The following SCG3 variants were observed in gnomAD, a reference collection of about 807,000 sequenced individuals.
The protein encoded by SCG3 is secretogranin III.
SCG3 carries 38 observed loss-of-function variants against 56.2 expected under a neutral mutation model. The observed-to-expected ratio is 0.68, with a 90% confidence interval of 0.52 to 0.89. SCG3 has a LOEUF of 0.89. Among genes scored for constraint, SCG3 ranks in the 40% least tolerant of loss-of-function variants. The pLI is 0.00. For missense variants in SCG3, 524 were observed against 540.7 expected (o/e 0.97, Z 0.31); for synonymous variants, 176 against 184.2 (o/e 0.96, Z 0.36).
intron 11 of SCG3, among the ~76,000 whole-genome samples, chr15:51,718,191 T>C (rs946481053): frequency 1.0e-3 from 130 of 123,858 alleles, no homozygotes; most frequent in African/African-American, 3.8e-3. Flanking sequence ...GATGGATAGA[T>C]AGATAGATAG....
At chr15:51,713,800 C>A (rs912893985) in intron 11 of SCG3, among the ~76,000 whole-genome samples, 1 of 152,096 alleles carries the variant, frequency 6.6e-6, no homozygotes, top group African/African-American at 2.4e-5. Flanking sequence ...ATTTTGTGCA[C>A]CCTGCAGTCA....
chr15:51,704,687 G>A (rs1017576547), intron 10 of SCG3, among the ~76,000 whole-genome samples: 2 of 147,228 alleles, frequency 1.4e-5, no homozygotes, highest in Admixed American at 6.9e-5. Context: ...TCCATTGTAT[G>A]TATAAGCCAC....
At position 51,719,655 on chromosome 15, in the gene SCG3, A is replaced by G; in HGVS notation, c.*129A>G. ...AGAAAGTGCTGAATTTACAGTAGTT[A>G]ACCTTTTACAAGTGGTTAAAACATA... On this transcript the variant is annotated 3_prime_UTR_variant, in exon 12 of 12. Transcript: ENST00000220478. 1 of 619,732 alleles carries G rather than the reference A, an allele frequency of 1.6e-6. No individual in the cohort carries two copies. Among genetic ancestry groups the G allele is most frequent in the South Asian group, 2.1e-5 (1 of 47,112 alleles). 38.4% of individuals were successfully genotyped at this position (619,732 alleles called of 1,614,324 possible).
chr15:51,686,843 A>G (rs1850948378), intron 4 of SCG3, among the ~76,000 whole-genome samples: 1 of 152,158 alleles, frequency 6.6e-6, no homozygotes, highest in African/African-American at 2.4e-5. Context: ...TCCTCCATGT[A>G]TAATTACCCC....
chr15:51,719,691 C>G lies in SCG3; in HGVS notation c.*165C>G, dbSNP rs1026752781. On this transcript the variant is annotated 3_prime_UTR_variant, in exon 12 of 12. Transcript: ENST00000220478. Reference sequence around the variant, plus strand: ...AGTGGTTAAAACATAGCTTTCTTCCCGTAAAAACTATCTGAAAGTAAAGTT... The same window carrying G: ...AGTGGTTAAAACATAGCTTTCTTCCGGTAAAAACTATCTGAAAGTAAAGTT... 10 of 555,242 alleles carry G rather than the reference C, an allele frequency of 1.8e-5. No homozygotes were observed. Among genetic ancestry groups the G allele is most frequent in the Non-Finnish European group, 2.5e-5 (8 of 314,534 alleles). The allele number at this position is 555,242 out of a possible 1,614,324, so 34.4% of individuals were successfully genotyped here. A position where few individuals can be genotyped will look rare whatever the true frequency, so the allele number is the denominator to read the frequency against.
At position 51,719,575 on chromosome 15, in the gene SCG3, A is replaced by G. The variant is rs201677129; in HGVS notation, c.*49A>G. 1.5e-6 allele frequency: 2 copies of G among 1,313,144 alleles called. No individual in the cohort carries two copies. The highest frequency in any genetic ancestry group is 2.3e-5 in the East Asian group (1 of 43,030). 81.3% of individuals were successfully genotyped at this position (1,313,144 alleles called of 1,614,324 possible). ...TTTCAACTGTTTCAGAAAACATAAT[A>G]TAGCTTAAAACACTTCTAATTCTGT... On this transcript the variant is annotated 3_prime_UTR_variant, in exon 12 of 12. Coordinates refer to ENST00000220478, the MANE Select transcript of SCG3 (RefSeq NM_013243.4).
intron 6 of SCG3, among the ~76,000 whole-genome samples, chr15:51,689,805 T>C (rs2055255206): frequency 6.6e-6 from 1 of 151,816 alleles, no homozygotes; most frequent in African/African-American, 2.4e-5. Flanking sequence ...AATTAATTAA[T>C]TAATTTAAAA....
chr15:51,709,816 G>A (rs1444278932), intron 10 of SCG3, among the ~76,000 whole-genome samples: 1 of 136,452 alleles, frequency 7.3e-6, no homozygotes, highest in Non-Finnish European at 1.5e-5. Context: ...CGCCTCCCGG[G>A]TTCATGCTAT....
In SCG3 at chr15:51,709,695, A is replaced by T. The variant is rs1280636673; in HGVS notation, c.1208-3638A>T. On this transcript the variant is annotated intron_variant, in intron 10 of 11. Coordinates refer to ENST00000220478, the MANE Select transcript of SCG3 (RefSeq NM_013243.4). ...TATATATATATATATATATATATAT[A>T]TATATATTTTTTTTTTTTTTTTTTT... is the stretch of plus-strand genomic sequence containing the variant. Among the ~76,000 whole-genome samples, 138 of 14,982 alleles carry T rather than the reference A, an allele frequency of 9.2e-3. 2 individuals are homozygous for T. Among genetic ancestry groups the T allele is most frequent in the Non-Finnish European group, 0.015 (117 of 7,940 alleles). 9.8% of individuals were successfully genotyped at this position (14,982 alleles called of 152,430 possible).
At chr15:51,704,240 C>CATAT (rs1314214604) in intron 10 of SCG3, among the ~76,000 whole-genome samples, 1,419 of 58,532 alleles carry the variant, frequency 0.024, 13 homozygotes, top group Non-Finnish European at 0.035. Flanking sequence ...TACATACATA[C>CATAT]ATACATATAT....
chr15:51,715,079 T>TA lies in SCG3; in HGVS notation c.1288+1667dup, dbSNP rs1351311538. On this transcript the variant is annotated intron_variant, in intron 11 of 11. Transcript: ENST00000220478. ...TGGTACATCAATTTGGAGTATTTGT[T>TA]ACTGTTTTCACTGATTAGCATATGA... is the stretch of plus-strand genomic sequence containing the variant. 10 of 152,334 alleles carry TA rather than the reference T, an allele frequency of 6.6e-5. No homozygotes were observed. In the East Asian group the frequency reaches 1.9e-3, roughly 29 times the overall value. The allele number at this position is 152,334 out of a possible 1,614,324, so 9.4% of individuals were successfully genotyped here. A position where few individuals can be genotyped will look rare whatever the true frequency, so the allele number is the denominator to read the frequency against.
At chr15:51,697,661 G>T (rs942636703) in intron 8 of SCG3, among the ~76,000 whole-genome samples, 8 of 152,136 alleles carry the variant, frequency 5.3e-5, no homozygotes, top group Non-Finnish European at 1.2e-4. Context: ...GGAGACTAAA[G>T]TAAATTATTT....
chr15:51,698,096 A>C (rs960795249), intron 8 of SCG3, among the ~76,000 whole-genome samples: 1 of 152,232 alleles, frequency 6.6e-6, no homozygotes, highest in African/African-American at 2.4e-5. Context: ...TCCAAAAAGA[A>C]AGCAATGCAT....
chr15:51,715,794 CA>C (rs1449277183), intron 11 of SCG3, among the ~76,000 whole-genome samples: 1 of 151,882 alleles, frequency 6.6e-6, no homozygotes, highest in African/African-American at 2.4e-5. Flanking sequence ...CAAAAGAAAG[CA>C]AAATATTTGC....
At chr15:51,707,292 G>A (rs1233926764) in intron 10 of SCG3, among the ~76,000 whole-genome samples, 1 of 151,576 alleles carries the variant, frequency 6.6e-6, no homozygotes, top group Non-Finnish European at 1.5e-5. Context: ...ACAGGAGCCA[G>A]AAAAGTTAGC....
In SCG3 at chr15:51,699,393, C is replaced by A. The variant is rs2055325410; in HGVS notation, c.1060C>A (p.Leu354Ile). The A allele has an allele frequency of 1.3e-6, 2 of 1,599,624 alleles. No homozygotes were observed. Among genetic ancestry groups the A allele is most frequent in the Non-Finnish European group, 8.5e-7 (1 of 1,171,588 alleles). The change falls in exon 9 of 12, where the codon CTT (leucine) becomes ATT (isoleucine). Residue 354 changes from leucine to isoleucine, a missense_variant. Coordinates refer to ENST00000220478, the MANE Select transcript of SCG3 (RefSeq NM_013243.4). ...AAATGCTACTGACAATATAAGCAAG[C>A]TTTTCCCAGGTATGATTATTTAACT... Reference protein sequence around the residue: ...EKNATDNISKLFPAPSEKSHE... With the variant: ...EKNATDNISKIFPAPSEKSHE...
At chr15:51,710,664 G>T (rs990690865) in intron 10 of SCG3, among the ~76,000 whole-genome samples, 6 of 151,760 alleles carry the variant, frequency 4.0e-5, no homozygotes, top group Non-Finnish European at 7.4e-5. Context: ...TTGGCTCACT[G>T]CAACCTCCAC....
chr15:51,699,851 T>G (rs938607083), intron 9 of SCG3, among the ~76,000 whole-genome samples: 6 of 152,084 alleles, frequency 3.9e-5, no homozygotes, highest in African/African-American at 1.4e-4. Context: ...CCCTAGGTAG[T>G]GTGCTTTACC....
chr15:51,714,408 C>T (rs575691415), intron 11 of SCG3, among the ~76,000 whole-genome samples: 2 of 152,234 alleles, frequency 1.3e-5, no homozygotes, highest in East Asian at 1.9e-4. Context: ...AAATATGGGG[C>T]TGTAAACCAG....
Sources: gnomAD v4.1 joint callset for allele counts (sites outside exome capture counted in the v4.1 genomes callset) on GRCh38, gnomAD v4.1.1 for gene constraint, MANE v1.5 for transcripts, NCBI Gene and HGNC (gene_info 2026-07-23, HGNC 2026-07-21) for gene names.